Variants in CALN1 observed in about 807,000 individuals in gnomAD.
CALN1 encodes calneuron 1.
In CALN1, 17 loss-of-function variants were observed where a neutral mutation model predicts 30.6. That is an observed-to-expected ratio of 0.56 (90% CI 0.38 to 0.83). The LOEUF is 0.83. CALN1 is among the 40% of genes least tolerant of loss of function. The pLI, the probability that CALN1 is intolerant of heterozygous loss-of-function variation, is 0.00. For synonymous variants in CALN1, 156 were observed against 131.4 expected (o/e 1.19, Z -1.28); for missense variants, 291 against 354.9 (o/e 0.82, Z 1.45).
chr7:71,972,150 T>C (rs528684168), intron 5 of CALN1, among the ~76,000 whole-genome samples: 3 of 152,026 alleles, frequency 2.0e-5, no homozygotes, highest in Non-Finnish European at 4.4e-5. Context: ...CCTCCAGACA[T>C]CTGGACCCTG....
intron 3 of CALN1, among the ~76,000 whole-genome samples, chr7:72,171,528 C>T (rs540124301): frequency 5.9e-5 from 9 of 152,152 alleles, no homozygotes; most frequent in African/African-American, 2.2e-4. Context: ...AAATGGCTGA[C>T]AAATGAACAA....
At chr7:72,220,777 A>G (rs1338850129) in intron 3 of CALN1, among the ~76,000 whole-genome samples, 1 of 152,022 alleles carries the variant, frequency 6.6e-6, no homozygotes, top group Non-Finnish European at 1.5e-5. Flanking sequence ...TTTGATTTGC[A>G]TTTCTCTGAT....
intron 5 of CALN1, among the ~76,000 whole-genome samples, chr7:71,846,894 T>C (rs906500891): frequency 2.7e-5 from 4 of 146,854 alleles, no homozygotes; most frequent in African/African-American, 9.9e-5. Context: ...CACATATATG[T>C]ATATATAATA....
intron 3 of CALN1, among the ~76,000 whole-genome samples, chr7:72,244,790 A>T (rs565849293): frequency 4.6e-5 from 7 of 152,146 alleles, no homozygotes; most frequent in South Asian, 2.1e-4. Context: ...ATGGATAGAA[A>T]GAATGACTAT....
intron 4 of CALN1, among the ~76,000 whole-genome samples, chr7:72,096,073 ATAG>A (rs1235127253): frequency 6.6e-6 from 1 of 151,956 alleles, no homozygotes; most frequent in Non-Finnish European, 1.5e-5. Flanking sequence ...AGATAGATAG[ATAG>A]ATAGATAGAT....
chr7:72,058,032 T>A (rs1247391740), intron 4 of CALN1, among the ~76,000 whole-genome samples: 1 of 152,150 alleles, frequency 6.6e-6, no homozygotes, highest in African/African-American at 2.4e-5. Flanking sequence ...GCCCATATTA[T>A]CCAGAATGTT....
At chr7:72,053,400 A>G (rs1055238195) in intron 4 of CALN1, among the ~76,000 whole-genome samples, 1 of 152,238 alleles carries the variant, frequency 6.6e-6, no homozygotes, top group African/African-American at 2.4e-5. Flanking sequence ...ACCACTGCAC[A>G]GAACAACAAC....
chr7:72,220,057 A>T (rs1466336145), intron 3 of CALN1, among the ~76,000 whole-genome samples: 1 of 151,682 alleles, frequency 6.6e-6, no homozygotes, highest in Non-Finnish European at 1.5e-5. Context: ...TATTATTATT[A>T]TACTTTAAGT....
intron 5 of CALN1, among the ~76,000 whole-genome samples, chr7:71,959,542 T>C (rs1797131595): frequency 6.6e-6 from 1 of 152,140 alleles, no homozygotes; most frequent in African/African-American, 2.4e-5. Context: ...TGATGAGTTT[T>C]AACATGATAT....
At chr7:72,056,667 C>A (rs747257954) in intron 4 of CALN1, among the ~76,000 whole-genome samples, 14 of 152,080 alleles carry the variant, frequency 9.2e-5, no homozygotes, top group Non-Finnish European at 1.6e-4. Flanking sequence ...ATGTTAAAAA[C>A]ATCAGGGACT....
chr7:72,029,239 G>T (rs1377753415), intron 4 of CALN1, among the ~76,000 whole-genome samples: 1 of 151,886 alleles, frequency 6.6e-6, no homozygotes, highest in Non-Finnish European at 1.5e-5. Context: ...CCATTCTCCT[G>T]CCTCAGCCTC....
chr7:71,820,082 G>C (rs1285576901), intron 5 of CALN1, among the ~76,000 whole-genome samples: 2 of 152,186 alleles, frequency 1.3e-5, no homozygotes, highest in Non-Finnish European at 2.9e-5. Context: ...AAGACTGATA[G>C]GACAAGGAAC....
intron 3 of CALN1, among the ~76,000 whole-genome samples, chr7:72,247,327 C>A (rs1334804224): frequency 7.1e-6 from 1 of 141,348 alleles, no homozygotes; most frequent in African/African-American, 2.6e-5. Context: ...TGGCTCACTG[C>A]AAGTTCCGCC....
intron 3 of CALN1, among the ~76,000 whole-genome samples, chr7:72,140,340 A>AAGGG (rs200997090): frequency 0.057 from 3,683 of 64,848 alleles, 190 homozygotes; most frequent in Non-Finnish European, 0.085. Context: ...AGAAGGAAGG[A>AAGGG]AGGGAGGGAG....
chr7:71,848,869 G>C (rs1318393460), intron 5 of CALN1, among the ~76,000 whole-genome samples: 1 of 151,892 alleles, frequency 6.6e-6, no homozygotes, highest in Non-Finnish European at 1.5e-5. Flanking sequence ...TTTACCCTTG[G>C]GTTGTTCACC....
At chr7:71,815,074 C>T (rs1341717245) in intron 5 of CALN1, among the ~76,000 whole-genome samples, 2 of 152,084 alleles carry the variant, frequency 1.3e-5, no homozygotes, top group African/African-American at 4.8e-5. Context: ...ACCCTGTGAT[C>T]TGCCCGGCTC....
intron 5 of CALN1, among the ~76,000 whole-genome samples, chr7:71,987,712 C>T (rs1390090554): frequency 1.3e-5 from 2 of 152,184 alleles, no homozygotes; most frequent in Non-Finnish European, 2.9e-5. Context: ...TGAGCAGAGG[C>T]GTGACCTTGA....
chr7:72,303,261 T>C (rs979384060), intron 2 of CALN1, among the ~76,000 whole-genome samples: 1 of 152,076 alleles, frequency 6.6e-6, no homozygotes, highest in African/African-American at 2.4e-5. Context: ...GCAGGTGTTG[T>C]AAATCAGTGC....
At chr7:72,491,457 T>C in the CALN1 span, among the ~76,000 whole-genome samples, 2 of 152,020 alleles carry the variant, frequency 1.3e-5, no homozygotes, top group Admixed American at 1.3e-4. Context: ...TAGTCCTAGC[T>C]ACTCAAGAAG....
Sources: allele counts gnomAD v4.1 joint callset (sites outside exome capture counted in the v4.1 genomes callset), GRCh38; gene constraint gnomAD v4.1.1; transcripts MANE v1.5; gene names NCBI Gene and HGNC (gene_info 2026-07-23, HGNC 2026-07-21).